The following EYA2 variants were observed in gnomAD, a reference collection of about 807,000 sequenced individuals.
EYA2 encodes protein phosphatase EYA2.
Under a neutral mutation model 69.2 loss-of-function variants are expected in EYA2, and 31 were observed. That is an observed-to-expected ratio of 0.45 (90% CI 0.34 to 0.60). The LOEUF is 0.60. Among genes scored for constraint, EYA2 ranks in the 20% least tolerant of loss-of-function variants. The probability of loss-of-function intolerance (pLI) is 0.02; values close to 1 mark genes in which losing one functional copy is unlikely to be tolerated. For missense variants in EYA2, 622 were observed against 701.2 expected (o/e 0.89, Z 1.28); for synonymous variants, 257 against 279.4 (o/e 0.92, Z 0.80).
chr20:46,939,888 T>C (rs77838187), intron 1 of EYA2, among the ~76,000 whole-genome samples: 4,912 of 152,240 alleles, frequency 0.032, 271 homozygotes, highest in African/African-American at 0.11. Flanking sequence ...AGTTTACTCA[T>C]CTATGAAACA....
chr20:47,183,635 A>G (rs976126798), intron 15 of EYA2, among the ~76,000 whole-genome samples: 72 of 152,152 alleles, frequency 4.7e-4, no homozygotes, highest in Non-Finnish European at 7.5e-4. Flanking sequence ...TTCTGGGACA[A>G]CTGTTCGGGA....
intron 7 of EYA2, among the ~76,000 whole-genome samples, chr20:47,089,035 T>C (rs954716498): frequency 2.6e-5 from 4 of 152,222 alleles, no homozygotes; most frequent in Admixed American, 2.6e-4. Flanking sequence ...ACCAAGTGTC[T>C]GCTGGATGGA....
chr20:47,035,953 G>A (rs1367029286), intron 5 of EYA2, among the ~76,000 whole-genome samples: 1 of 152,190 alleles, frequency 6.6e-6, no homozygotes, highest in Non-Finnish European at 1.5e-5. Flanking sequence ...CGAGGCTGCA[G>A]TGAGCTGTGA....
chr20:46,900,986 T>G (rs1442296245), intron 1 of EYA2, among the ~76,000 whole-genome samples: 1 of 152,198 alleles, frequency 6.6e-6, no homozygotes, highest in African/African-American at 2.4e-5. Context: ...TGAAAACCAC[T>G]AGTTCTCGTT....
intron 5 of EYA2, among the ~76,000 whole-genome samples, chr20:47,059,576 C>T (rs556469482): frequency 5.6e-4 from 86 of 152,342 alleles, no homozygotes; most frequent in Admixed American, 1.3e-3. Flanking sequence ...GTCTCGAACT[C>T]CTGACCTCGT....
intron 1 of EYA2, among the ~76,000 whole-genome samples, chr20:46,921,425 TCTC>T (rs771583033): frequency 2.0e-5 from 3 of 152,230 alleles, no homozygotes; most frequent in Non-Finnish European, 2.9e-5. Context: ...CATCCATTCA[TCTC>T]CTGGTTTTCT....
chr20:47,025,439 G>A (rs889131163), intron 5 of EYA2, among the ~76,000 whole-genome samples: 1 of 152,144 alleles, frequency 6.6e-6, no homozygotes, highest in African/African-American at 2.4e-5. Flanking sequence ...TCTGCACTTC[G>A]TTTTCCTCAT....
At chr20:47,185,584 G>A (rs1237132953) in intron 15 of EYA2, among the ~76,000 whole-genome samples, 1 of 152,098 alleles carries the variant, frequency 6.6e-6, no homozygotes. Context: ...TTAGAGGTGT[G>A]AGCCACCACA....
At chr20:47,171,385 G>T (rs1279021182) in intron 11 of EYA2, among the ~76,000 whole-genome samples, 1 of 151,836 alleles carries the variant, frequency 6.6e-6, no homozygotes, top group Non-Finnish European at 1.5e-5. Flanking sequence ...CCTCTTGTTT[G>T]TTTTTTTGTT....
chr20:47,119,977 G>A (rs2033002145), intron 9 of EYA2, among the ~76,000 whole-genome samples: 2 of 152,290 alleles, frequency 1.3e-5, no homozygotes, highest in South Asian at 4.1e-4. Flanking sequence ...GGAGGCCAAG[G>A]CGGGCGGATC....
At chr20:47,166,573 T>A (rs2034200954) in intron 10 of EYA2, among the ~76,000 whole-genome samples, 1 of 152,110 alleles carries the variant, frequency 6.6e-6, no homozygotes, top group Non-Finnish European at 1.5e-5. Flanking sequence ...GAGTCCCACG[T>A]GCTTCTCCTC....
intron 1 of EYA2, among the ~76,000 whole-genome samples, chr20:46,977,768 A>G (rs1021743867): frequency 3.3e-5 from 5 of 152,098 alleles, no homozygotes; most frequent in Non-Finnish European, 7.4e-5. Flanking sequence ...TTCCCAACAC[A>G]TTGCAGCCCT....
At chr20:47,087,593 G>C (rs1418765984) in intron 7 of EYA2, among the ~76,000 whole-genome samples, 1 of 152,220 alleles carries the variant, frequency 6.6e-6, no homozygotes, top group South Asian at 2.1e-4. Flanking sequence ...ACATCTGTGC[G>C]TAAGCAGCAA....
chr20:47,130,235 G>A (rs957577991), intron 9 of EYA2, among the ~76,000 whole-genome samples: 36 of 143,038 alleles, frequency 2.5e-4, no homozygotes, highest in Admixed American at 1.7e-3. Context: ...TAACTTAACG[G>A]AAAGAAATAA....
chr20:47,186,098 G>A (rs2034634400), intron 15 of EYA2, among the ~76,000 whole-genome samples: 3 of 152,046 alleles, frequency 2.0e-5, no homozygotes, highest in Admixed American at 2.0e-4. Context: ...GACACACAAA[G>A]CTGCTTTCTA....
chr20:47,146,514 T>A (rs1223793387), intron 10 of EYA2, among the ~76,000 whole-genome samples: 1 of 152,206 alleles, frequency 6.6e-6, no homozygotes, highest in East Asian at 1.9e-4. Flanking sequence ...ATTTTCTAAA[T>A]TTATTTCGAA....
chr20:47,165,555 G>A (rs570502006), intron 10 of EYA2, among the ~76,000 whole-genome samples: 11 of 152,286 alleles, frequency 7.2e-5, no homozygotes, highest in African/African-American at 2.6e-4. Flanking sequence ...CAGGCCTTAA[G>A]AGCACACCAC....
intron 1 of EYA2, among the ~76,000 whole-genome samples, chr20:46,965,775 G>A (rs1022009919): frequency 3.3e-5 from 5 of 152,360 alleles, no homozygotes; most frequent in South Asian, 2.1e-4. Context: ...TTCCCTGCAC[G>A]TACGAGTGGC....
chr20:47,102,093 A>G (rs944001551), intron 9 of EYA2, among the ~76,000 whole-genome samples: 10 of 152,306 alleles, frequency 6.6e-5, no homozygotes, highest in South Asian at 2.1e-4. Context: ...TGTTTAAGCA[A>G]TGTTCTTAGG....
Sources: gnomAD v4.1 joint callset for allele counts (sites outside exome capture counted in the v4.1 genomes callset) on GRCh38, gnomAD v4.1.1 for gene constraint, MANE v1.5 for transcripts, NCBI Gene and HGNC (gene_info 2026-07-23, HGNC 2026-07-21) for gene names.